LINGO2: variants seen among roughly 807,000 people sequenced by gnomAD.
The protein encoded by LINGO2 is leucine rich repeat and Ig domain containing 2, also known as leucine-rich repeat and immunoglobulin-like domain-containing nogo receptor-interacting protein 2.
In LINGO2, 14 loss-of-function variants were observed where a neutral mutation model predicts 30.6. That is an observed-to-expected ratio of 0.46 (90% CI 0.30 to 0.72). The LOEUF is 0.72. LINGO2 is among the 30% of genes least tolerant of loss of function. LINGO2 has a pLI of 0.07. For synonymous variants in LINGO2, 317 were observed against 288.5 expected (o/e 1.10, Z -1.00); for missense variants, 729 against 751.7 (o/e 0.97, Z 0.35).
intron 4 of LINGO2, among the ~76,000 whole-genome samples, chr9:28,140,601 C>G (rs1325272583): frequency 6.6e-6 from 1 of 152,164 alleles, no homozygotes; most frequent in Non-Finnish European, 1.5e-5. Context: ...CTGGCAAATT[C>G]CTACGCATGC....
At chr9:28,549,101 T>C (rs1204085087) in intron 1 of LINGO2, among the ~76,000 whole-genome samples, 1 of 152,130 alleles carries the variant, frequency 6.6e-6, no homozygotes, top group Non-Finnish European at 1.5e-5. Context: ...TCAGATGTAA[T>C]AAAACCATTA....
At chr9:28,648,907 T>A (rs1273000091) in intron 1 of LINGO2, among the ~76,000 whole-genome samples, 1 of 152,064 alleles carries the variant, frequency 6.6e-6, no homozygotes, top group Non-Finnish European at 1.5e-5. Context: ...TCTTGGCATA[T>A]ATAGAAATGG....
At chr9:28,098,744 T>G (rs1826323489) in intron 4 of LINGO2, among the ~76,000 whole-genome samples, 1 of 152,020 alleles carries the variant, frequency 6.6e-6, no homozygotes, top group African/African-American at 2.4e-5. Context: ...ATATCAAGAG[T>G]TCACAAAACA....
At chr9:29,048,838 C>A in the LINGO2 span, among the ~76,000 whole-genome samples, 1 of 152,120 alleles carries the variant, frequency 6.6e-6, no homozygotes, top group Non-Finnish European at 1.5e-5. Flanking sequence ...AAACTTAAAT[C>A]TAAGACTTCA....
At chr9:28,963,873 G>T in the LINGO2 span, among the ~76,000 whole-genome samples, 1 of 151,856 alleles carries the variant, frequency 6.6e-6, no homozygotes. Flanking sequence ...ACAGTAAGGT[G>T]ATTACAGTAA....
intron 4 of LINGO2, among the ~76,000 whole-genome samples, chr9:28,177,556 AG>A (rs1176844746): frequency 6.6e-6 from 1 of 152,200 alleles, no homozygotes; most frequent in Admixed American, 6.5e-5. Flanking sequence ...CCTACCTCAT[AG>A]GGTTAATTTG....
chr9:28,606,034 C>CA (rs1417290479), intron 1 of LINGO2, among the ~76,000 whole-genome samples: 1 of 148,224 alleles, frequency 6.7e-6, no homozygotes, highest in Non-Finnish European at 1.5e-5. Context: ...CATGAAATAA[C>CA]AAACATTTTT....
chr9:28,026,529 A>G (rs902114383), intron 4 of LINGO2, among the ~76,000 whole-genome samples: 4 of 152,304 alleles, frequency 2.6e-5, no homozygotes, highest in South Asian at 4.1e-4. Flanking sequence ...ATAATAATGT[A>G]AAGTCTTTTC....
chr9:28,229,749 TA>T (rs921135869), intron 4 of LINGO2, among the ~76,000 whole-genome samples: 1 of 151,776 alleles, frequency 6.6e-6, no homozygotes, highest in Non-Finnish European at 1.5e-5. Flanking sequence ...ATCAATCAAT[TA>T]GAAACAGAGA....
At chr9:28,416,157 G>A (rs548223904) in intron 2 of LINGO2, among the ~76,000 whole-genome samples, 1 of 152,236 alleles carries the variant, frequency 6.6e-6, no homozygotes, top group South Asian at 2.1e-4. Context: ...AGCTATAGCA[G>A]ATATGTAAAC....
chr9:28,083,558 C>G (rs189896630), intron 4 of LINGO2, among the ~76,000 whole-genome samples: 83 of 152,234 alleles, frequency 5.5e-4, no homozygotes, highest in African/African-American at 1.9e-3. Flanking sequence ...TTACATTTCT[C>G]AGAATCCCCT....
chr9:28,794,011 A>G, the LINGO2 span, among the ~76,000 whole-genome samples: 3 of 152,180 alleles, frequency 2.0e-5, no homozygotes, highest in East Asian at 3.9e-4. Flanking sequence ...CTCTTCAAAA[A>G]CAAACAAAAC....
intron 4 of LINGO2, among the ~76,000 whole-genome samples, chr9:28,087,132 T>C (rs1825938261): frequency 1.3e-5 from 2 of 152,066 alleles, no homozygotes; most frequent in East Asian, 1.9e-4. Flanking sequence ...TCATGTAAGC[T>C]GAGGCCATCC....
chr9:28,656,202 A>C (rs1828331061), intron 1 of LINGO2, among the ~76,000 whole-genome samples: 1 of 152,086 alleles, frequency 6.6e-6, no homozygotes, highest in Non-Finnish European at 1.5e-5. Context: ...TACATTAATG[A>C]TCTAGCAAGA....
chr9:29,197,623 G>A, the LINGO2 span, among the ~76,000 whole-genome samples: 1 of 152,000 alleles, frequency 6.6e-6, no homozygotes, highest in Admixed American at 6.6e-5. Context: ...CTCCTTTCAA[G>A]GTTTCATTAA....
At chr9:29,008,771 G>T in the LINGO2 span, among the ~76,000 whole-genome samples, 1 of 152,154 alleles carries the variant, frequency 6.6e-6, no homozygotes, top group South Asian at 2.1e-4. Context: ...TTTTGATGGG[G>T]TTGTTTGATT....
At chr9:28,020,664 A>T (rs1823072608) in intron 4 of LINGO2, among the ~76,000 whole-genome samples, 1 of 152,244 alleles carries the variant, frequency 6.6e-6, no homozygotes, top group Non-Finnish European at 1.5e-5. Context: ...CAGTGGAACC[A>T]TCTGGGCCTG....
the LINGO2 span, among the ~76,000 whole-genome samples, chr9:28,842,817 C>T: frequency 6.6e-6 from 1 of 151,850 alleles, no homozygotes; most frequent in African/African-American, 2.4e-5. Context: ...ATCTTCAACA[C>T]TAATCCCATC....
chr9:29,048,616 AAC>A, the LINGO2 span, among the ~76,000 whole-genome samples: 7 of 152,160 alleles, frequency 4.6e-5, no homozygotes, highest in African/African-American at 1.7e-4. Flanking sequence ...CTGACATAAA[AAC>A]AGAGACATAG....
Sources: allele counts gnomAD v4.1 joint callset (sites outside exome capture counted in the v4.1 genomes callset), GRCh38; gene constraint gnomAD v4.1.1; transcripts MANE v1.5; gene names NCBI Gene and HGNC (gene_info 2026-07-23, HGNC 2026-07-21).